The following AGK variants were observed in gnomAD, a reference collection of about 807,000 sequenced individuals.
AGK encodes acylglycerol kinase, also known as acylglycerol kinase, mitochondrial.
In AGK, 52 loss-of-function variants were observed where a neutral mutation model predicts 66.4. The observed-to-expected ratio is 0.78, with a 90% CI of 0.63 to 0.99. The LOEUF (loss-of-function observed/expected upper bound fraction) is 0.99. AGK is among the 50% of genes least tolerant of loss of function. The pLI, the probability that AGK is intolerant of heterozygous loss-of-function variation, is 0.00. For synonymous variants in AGK, 182 were observed against 181.1 expected (o/e 1.00, Z -0.04); for missense variants, 451 against 506.6 (o/e 0.89, Z 1.05).
Position 141,555,718 on chromosome 7 carries a change from T to G in AGK, c.101+151T>G. The stretch of plus-strand genomic sequence containing the variant: ...TGCTATTCAAAGCAAAAACAAAGAC[T>G]TCTTGTAACCAGAGCTGGAACTACA... On this transcript the variant is annotated intron_variant, in intron 2 of 15. Transcript: ENST00000649286. The surrounding 1 kb of genome is among the most constrained non-coding windows in gnomAD (Gnocchi z 4.2). 1.8e-6 allele frequency: 1 copy of G among 563,064 alleles called. No individual in the cohort carries two copies. Among genetic ancestry groups the G allele is most frequent in the East Asian group, 3.0e-5 (1 of 33,722 alleles). The allele number at this position is 563,064 out of a possible 1,614,324, so 34.9% of individuals were successfully genotyped here. A position where few individuals can be genotyped will look rare whatever the true frequency, so the allele number is the denominator to read the frequency against.
At position 141,653,029 on chromosome 7, in the gene AGK, G is replaced by GGCATTTTC. The variant is rs1431639206; in HGVS notation, c.*106_*113dup. 19 of 1,439,534 alleles carry GGCATTTTC rather than the reference G, an allele frequency of 1.3e-5. No homozygotes were observed. The highest frequency in any genetic ancestry group is 1.5e-5 in the Non-Finnish European group (16 of 1,057,592). 89.2% of individuals were successfully genotyped at this position (1,439,534 alleles called of 1,614,324 possible). On this transcript the variant is annotated 3_prime_UTR_variant, in exon 16 of 16. Coordinates refer to ENST00000649286, the MANE Select transcript of AGK (RefSeq NM_018238.4). ...AACAGTGTCGTCAGAGGGTCCCCAG[G>GGCATTTTC]GCATTTTCATGGCAAGTACCCCTCT... is the stretch of plus-strand genomic sequence containing the variant.
intron 9 of AGK, among the ~76,000 whole-genome samples, chr7:141,622,785 G>A (rs1205749514): frequency 1.3e-5 from 2 of 152,184 alleles, no homozygotes; most frequent in Non-Finnish European, 2.9e-5. Context: ...ACCAGGTGCG[G>A]TGGCTCTTGC....
chr7:141,608,604 T>G (rs1796512577), intron 5 of AGK, among the ~76,000 whole-genome samples: 1 of 152,150 alleles, frequency 6.6e-6, no homozygotes, highest in Non-Finnish European at 1.5e-5. Context: ...GTTGACAAAG[T>G]ATTGCCTAAG....
rs1006743688 is a variant in AGK, at chr7:141,630,872, C to T, written c.589-3029C>T. Among the ~76,000 whole-genome samples, 7 of 152,138 alleles carry T rather than the reference C, an allele frequency of 4.6e-5. No homozygotes were observed. In the East Asian group the frequency reaches 5.8e-4, roughly 13 times the overall value. On this transcript the variant is annotated intron_variant, in intron 9 of 15. Transcript: ENST00000649286. ...ATGGCGGAACAACGGAAAGACTAGA[C>T]GTTTAGCTTGGAGAGCATTAAGGCT... is the stretch of plus-strand genomic sequence containing the variant.
At chr7:141,596,422 T>C in intron 3 of AGK, 140 bp from the exon 4 acceptor site, 1 of 653,098 alleles carries the variant, frequency 1.5e-6, no homozygotes. Flanking sequence ...TTCGTTAATA[T>C]GAGATCATGA....
chr7:141,628,338 G>A (rs116065747), intron 9 of AGK, among the ~76,000 whole-genome samples: 257 of 152,242 alleles, frequency 1.7e-3, no homozygotes, highest in African/African-American at 5.6e-3. Flanking sequence ...TAGAAAACGT[G>A]GTACAACAGT....
chr7:141,584,130 C>A (rs1369734509), intron 2 of AGK, among the ~76,000 whole-genome samples: 1 of 151,932 alleles, frequency 6.6e-6, no homozygotes, highest in Non-Finnish European at 1.5e-5. Flanking sequence ...TGGGCCGAGT[C>A]CGAAAAGAGA....
intron 2 of AGK, among the ~76,000 whole-genome samples, chr7:141,582,928 G>T (rs1795912310): frequency 6.6e-6 from 1 of 151,650 alleles, no homozygotes. Flanking sequence ...AAGGAAGATT[G>T]GAAAGACTCA....
chr7:141,635,145 C>T (rs570100872), intron 10 of AGK, among the ~76,000 whole-genome samples: 111 of 152,254 alleles, frequency 7.3e-4, no homozygotes, highest in Non-Finnish European at 1.4e-3. Context: ...CAGTACAGAT[C>T]AACGCTTTTA....
At chr7:141,608,406 C>T (rs1174714699) in intron 5 of AGK, among the ~76,000 whole-genome samples, 1 of 152,080 alleles carries the variant, frequency 6.6e-6, no homozygotes, top group African/African-American at 2.4e-5. Context: ...AGCTGTGATA[C>T]TGCATGTCCA....
At position 141,576,334 on chromosome 7, in the gene AGK, C is replaced by T. The variant is rs183146107; in HGVS notation, c.102-16812C>T. ...GGATTCTTATTCCTGATGCAGGTAG[C>T]CCCTACTGCTGTGTCATTCCCTTGT... On this transcript the variant is annotated intron_variant, in intron 2 of 15. Coordinates refer to ENST00000649286, the MANE Select transcript of AGK (RefSeq NM_018238.4). Among the ~76,000 whole-genome samples the T allele has an allele frequency of 4.8e-4, 73 of 151,984 alleles. 1 individual carries two copies. In the South Asian group the frequency reaches 6.0e-3, roughly 13 times the overall value.
intron 5 of AGK, among the ~76,000 whole-genome samples, chr7:141,609,638 A>G (rs563547369): frequency 6.6e-6 from 1 of 152,200 alleles, no homozygotes; most frequent in Non-Finnish European, 1.5e-5. Context: ...TTAAGCAGGC[A>G]TGATCAATTA....
intron 2 of AGK, among the ~76,000 whole-genome samples, chr7:141,561,693 C>A (rs1562958423): frequency 3.3e-5 from 5 of 151,678 alleles, no homozygotes; most frequent in Admixed American, 3.3e-4. Context: ...TCTCCAAGGC[C>A]CTATGTGATC....
intron 1 of AGK, among the ~76,000 whole-genome samples, chr7:141,554,494 T>A (rs1180859839): frequency 6.6e-6 from 1 of 152,150 alleles, no homozygotes; most frequent in Non-Finnish European, 1.5e-5. Flanking sequence ...TTTTCCCCCA[T>A]CAGTAAAAAT....
intron 2 of AGK, among the ~76,000 whole-genome samples, chr7:141,563,070 A>G (rs952993488): frequency 2.0e-5 from 3 of 152,158 alleles, no homozygotes; most frequent in African/African-American, 7.2e-5. Context: ...TTGGGGAATC[A>G]CGGTTTTTCG....
In AGK at chr7:141,652,122, C is replaced by T. The variant is rs189629642; in HGVS notation, c.1131+513C>T. On this transcript the variant is annotated intron_variant, in intron 15 of 15. Transcript: ENST00000649286. ...TTGGGAGGTTATTCAATTGTCAATACGGAAAAAAAGGAGGCTCTTCATATA... is the reference window on the plus strand; with the variant it reads ...TTGGGAGGTTATTCAATTGTCAATATGGAAAAAAAGGAGGCTCTTCATATA... Among the ~76,000 whole-genome samples the T allele has an allele frequency of 9.1e-4, 138 of 151,986 alleles. 1 individual carries two copies. Among genetic ancestry groups the T allele is most frequent in the African/African-American group, 3.1e-3 (129 of 41,462 alleles).
At chr7:141,619,984 A>G (rs893264665) in intron 8 of AGK, among the ~76,000 whole-genome samples, 1 of 152,240 alleles carries the variant, frequency 6.6e-6, no homozygotes, top group Admixed American at 6.5e-5. Context: ...CAGTACATCC[A>G]TACAATGGAA....
At chr7:141,643,358 T>TA (rs953389228) in intron 13 of AGK, among the ~76,000 whole-genome samples, 6 of 152,010 alleles carry the variant, frequency 3.9e-5, no homozygotes, top group Admixed American at 2.6e-4. Flanking sequence ...AGTTTGAAGT[T>TA]AAAAAAAAGT....
At chr7:141,553,882 T>C (rs1795153061) in intron 1 of AGK, among the ~76,000 whole-genome samples, 2 of 152,196 alleles carry the variant, frequency 1.3e-5, no homozygotes, top group Admixed American at 6.5e-5. Context: ...CAGTTTTTTT[T>C]TTCTTGGTCT....
Sources: allele counts gnomAD v4.1 joint callset (sites outside exome capture counted in the v4.1 genomes callset), GRCh38; gene constraint gnomAD v4.1.1; non-coding constraint Gnocchi (gnomAD v3.1); transcripts MANE v1.5; gene names NCBI Gene and HGNC (gene_info 2026-07-23, HGNC 2026-07-21).